Variants in C6orf132 observed in about 807,000 individuals in gnomAD.
C6orf132 encodes the protein uncharacterized protein C6orf132.
Under a neutral mutation model 65.3 loss-of-function variants are expected in C6orf132, and 43 were observed. The ratio of observed to expected loss-of-function variants is 0.66; its 90% CI spans 0.52 to 0.85. The LOEUF (loss-of-function observed/expected upper bound fraction) is 0.85. Ranked by LOEUF, C6orf132 falls within the 40% of genes least tolerant of loss-of-function variation. The probability of loss-of-function intolerance (pLI) is 0.00; values close to 1 mark genes in which losing one functional copy is unlikely to be tolerated. For synonymous variants in C6orf132, 631 were observed against 654.1 expected, an observed-to-expected ratio of 0.96 and a Z score of 0.54; for missense variants, 1,488 against 1,548.8, an observed-to-expected ratio of 0.96 and a Z score of 0.66.
Position 42,142,312 on chromosome 6 carries a change from TC to T in C6orf132, c.132del (p.Thr45ProfsTer17). ...CCGGAGTACTCACCGAAGCCCCCGG[TC>T]CCCTCCTCCGGGGCCTCCTGGGTGA... ...WIFTQEAPEE[G>X]TGGFDGIYYG... On this transcript the variant is annotated frameshift_variant, in exon 1 of 5. Transcript: ENST00000341865. LOFTEE classifies it high-confidence loss of function. The T allele has an allele frequency of 6.4e-7, 1 of 1,550,462 alleles. No individual in the cohort carries two copies. Among genetic ancestry groups the T allele is most frequent in the Non-Finnish European group, 8.7e-7 (1 of 1,146,624 alleles).
intron 1 of C6orf132, among the ~76,000 whole-genome samples, chr6:42,135,585 A>G (rs921032061): frequency 9.2e-5 from 14 of 152,174 alleles, no homozygotes; most frequent in Non-Finnish European, 1.9e-4. Flanking sequence ...CTCAGCCCCA[A>G]AGCTGCTCAT....
Position 42,103,338 on chromosome 6 carries a change from A to G in C6orf132, c.*423T>C. 1 of 397,418 alleles carries G rather than the reference A, an allele frequency of 2.5e-6. No homozygotes were observed. Among genetic ancestry groups the G allele is most frequent in the Non-Finnish European group, 4.4e-6 (1 of 225,860 alleles). 24.6% of individuals were successfully genotyped at this position (397,418 alleles called of 1,614,324 possible). On this transcript the variant is annotated 3_prime_UTR_variant, in exon 5 of 5. Coordinates refer to ENST00000341865, the MANE Select transcript of C6orf132 (RefSeq NM_001164446.3). The stretch of plus-strand genomic sequence containing the variant: ...CCTCAGCCCTTTGCAAGGGCCTGAC[A>G]GGCAATCACAGCTATCTCGATGGGT...
rs201213632 is a variant in C6orf132 at position 42,104,890 on chromosome 6, G to C, written c.3022C>G (p.Arg1008Gly). ...PPAPALQYLG[R>G]QSSPPRNNYS... ...TTGTTCCGGGGAGGGGAGCTCTGGC[G>C]GCCCAGATACTGGAGGGCCGGGGCC... The change falls in exon 4 of 5, where the codon CGC becomes GGC. Residue 1008 changes from arginine to glycine, a missense_variant. Transcript: ENST00000341865. The surrounding 1 kb of genome is among the most constrained non-coding windows in gnomAD (Gnocchi z 4.1). 1.7e-3 allele frequency: 2,501 copies of C among 1,449,160 alleles called. 18 individuals carry two copies. Among genetic ancestry groups the C allele is most frequent in the Middle Eastern group, 0.011 (58 of 5,350 alleles). 89.8% of individuals were successfully genotyped at this position (1,449,160 alleles called of 1,614,324 possible).
intron 2 of C6orf132, among the ~76,000 whole-genome samples, chr6:42,111,009 C>T (rs552093038): frequency 5.9e-5 from 9 of 152,356 alleles, no homozygotes; most frequent in African/African-American, 2.2e-4. Context: ...ATAGAATCTG[C>T]ATTGACTCTC....
chr6:42,126,219 T>G (rs1766761465), intron 2 of C6orf132, among the ~76,000 whole-genome samples: 1 of 151,938 alleles, frequency 6.6e-6, no homozygotes, highest in Non-Finnish European at 1.5e-5. Flanking sequence ...TAGCTGGGAT[T>G]ACAGGTGTGT....
At chr6:42,132,041 G>C (rs1328680919) in intron 1 of C6orf132, among the ~76,000 whole-genome samples, 20 of 152,232 alleles carry the variant, frequency 1.3e-4, no homozygotes. Context: ...TGGCTTTGAA[G>C]ATGGAAGGAG....
Position 42,107,460 on chromosome 6 carries a change from G to A in C6orf132, c.452C>T (p.Pro151Leu). The A allele has an allele frequency of 9.7e-6, 15 of 1,544,520 alleles. No homozygotes were observed. The highest frequency in any genetic ancestry group is 1.3e-5 in the Non-Finnish European group (15 of 1,143,694). The change falls in exon 4 of 5, where the codon CCT becomes CTT. Residue 151 changes from proline to leucine, a missense_variant. Pro to Leu is a moderately conservative substitution (Grantham distance 98). Transcript: ENST00000341865. ...CCCTGGAGGTTCTGAAATGTCCTGAGGGGGCCCTGGGGCTGGGCCTGGGGG... is the reference window on the plus strand; with the variant it reads ...CCCTGGAGGTTCTGAAATGTCCTGAAGGGGCCCTGGGGCTGGGCCTGGGGG... Reference protein sequence around the residue: ...PPPPGPAPGPPQDISEPPGGS... With the variant: ...PPPPGPAPGPLQDISEPPGGS...
intron 2 of C6orf132, among the ~76,000 whole-genome samples, chr6:42,125,322 C>G (rs1029151911): frequency 6.6e-6 from 1 of 152,220 alleles, no homozygotes; most frequent in Non-Finnish European, 1.5e-5. Context: ...CCCTGTGCCT[C>G]AGTTTCCCTG....
intron 3 of C6orf132, 104 bp from the exon 4 acceptor site, chr6:42,107,687 G>T: frequency 7.4e-7 from 1 of 1,358,980 alleles, no homozygotes; most frequent in South Asian, 1.3e-5. Context: ...CCAAGAGAAT[G>T]ACTGGATCAT....
Position 42,107,481 on chromosome 6 carries a change from G to T in C6orf132, c.431C>A (p.Pro144Gln). 1 of 1,546,418 alleles carries T rather than the reference G, an allele frequency of 6.5e-7. No individual in the cohort carries two copies. Among genetic ancestry groups the T allele is most frequent in the Non-Finnish European group, 8.7e-7 (1 of 1,144,380 alleles). Residue 144 changes from proline to glutamine, a missense_variant, in exon 4 of 5, where the codon CCA becomes CAA. Physicochemically the swap from Pro to Gln is moderately conservative, Grantham distance 76. Coordinates refer to ENST00000341865, the MANE Select transcript of C6orf132 (RefSeq NM_001164446.3). The stretch of plus-strand genomic sequence containing the variant: ...CTGAGGGGGCCCTGGGGCTGGGCCT[G>T]GGGGAGGTGGGGGGATGAGTAGATC... The part of the protein sequence containing the change: ...GQDLLIPPPP[P>Q]GPAPGPPQDI...
In C6orf132 at chr6:42,106,746, G is replaced by C; in HGVS notation, c.1166C>G (p.Thr389Ser). ...GGGCAGGGGAGGGGCTGGAGGCGGA[G>C]TCCCAGCTCGTTCATCTGCTTGGGA... ...SQSQADERAG[T>S]PPPAPPLPPP... Residue 389 changes from threonine (T) to serine (S), a missense_variant, in exon 4 of 5, where the codon ACT becomes AGT. Transcript: ENST00000341865. 1 of 1,531,016 alleles carries C rather than the reference G, an allele frequency of 6.5e-7. No individual in the cohort carries two copies. Among genetic ancestry groups the C allele is most frequent in the Non-Finnish European group, 8.7e-7 (1 of 1,144,708 alleles). 94.8% of individuals were successfully genotyped at this position (1,531,016 alleles called of 1,614,324 possible).
chr6:42,122,256 T>TAC (rs1374810812), intron 2 of C6orf132, among the ~76,000 whole-genome samples: 6 of 147,674 alleles, frequency 4.1e-5, no homozygotes, highest in African/African-American at 7.3e-5. Flanking sequence ...GGCCCAGGTC[T>TAC]GCTCTCTCTC....
At position 42,107,457 on chromosome 6, in the gene C6orf132, T is replaced by C; in HGVS notation, c.455A>G (p.Gln152Arg). 1 of 1,264,698 alleles carries C rather than the reference T, an allele frequency of 7.9e-7. No homozygotes were observed. Among genetic ancestry groups the C allele is most frequent in the Non-Finnish European group, 1.0e-6 (1 of 987,490 alleles). The allele number at this position is 1,264,698 out of a possible 1,614,324, so 78.3% of individuals were successfully genotyped here. Residue 152 changes from glutamine (Q) to arginine (R), a missense_variant, in exon 4 of 5, where the codon CAG becomes CGG. Transcript: ENST00000341865. The part of the protein sequence containing the change: ...PPPGPAPGPP[Q>R]DISEPPGGSP... ...CCCCCCTGGAGGTTCTGAAATGTCC[T>C]GAGGGGGCCCTGGGGCTGGGCCTGG...
intron 2 of C6orf132, among the ~76,000 whole-genome samples, chr6:42,122,331 C>A (rs73735045): frequency 0.01 from 1,547 of 152,316 alleles, 30 homozygotes; most frequent in African/African-American, 0.034. Flanking sequence ...TCCCTGGAGA[C>A]CCTGCCTAAA....
chr6:42,117,484 T>C lies in C6orf132; in HGVS notation c.253-7193A>G, dbSNP rs183643017. On this transcript the variant is annotated intron_variant, in intron 2 of 4. Coordinates refer to ENST00000341865, the MANE Select transcript of C6orf132 (RefSeq NM_001164446.3). ...TCTATGTCTATAGACATAGAGTTGATGACTGTAGTCCCTGCTGCCCAGCCC... is the reference window on the plus strand; with the variant it reads ...TCTATGTCTATAGACATAGAGTTGACGACTGTAGTCCCTGCTGCCCAGCCC... Among the ~76,000 whole-genome samples, 5 of 152,202 alleles carry C rather than the reference T, an allele frequency of 3.3e-5. No individual in the cohort carries two copies. In the East Asian group the frequency reaches 9.7e-4, roughly 29 times the overall value.
intron 2 of C6orf132, among the ~76,000 whole-genome samples, chr6:42,115,612 C>G (rs911160744): frequency 1.3e-5 from 2 of 152,128 alleles, no homozygotes; most frequent in Admixed American, 6.5e-5. Flanking sequence ...AGGCACTGCA[C>G]TCCAGCCTGG....
rs1766358936 is a variant in C6orf132, at chr6:42,104,710, C to T, written c.3202G>A (p.Val1068Ile). 2.6e-6 allele frequency: 4 copies of T among 1,522,114 alleles called. No individual in the cohort carries two copies. Among genetic ancestry groups the T allele is most frequent in the Non-Finnish European group, 2.6e-6 (3 of 1,141,180 alleles). 94.3% of individuals were successfully genotyped at this position (1,522,114 alleles called of 1,614,324 possible). The change falls in exon 4 of 5, where the codon GTC (valine) becomes ATC (isoleucine). Residue 1068 changes from valine to isoleucine, a missense_variant. By Grantham distance (29) the Val-to-Ile change is conservative. Transcript: ENST00000341865. The surrounding 1 kb of genome is among the most constrained non-coding windows in gnomAD (Gnocchi z 4.1). The stretch of plus-strand genomic sequence containing the variant: ...CCTGGGCCTCGGTGCGGCTCCCCGA[C>T]GTACAGGCGCTTCTTTATGAGCGAG... ...GRSLIKKRLY[V>I]GEPHRGPGLP...
Position 42,142,565 on chromosome 6 carries a change from TC to T in C6orf132, c.-122del. 1 of 463,864 alleles carries T rather than the reference TC, an allele frequency of 2.2e-6. No homozygotes were observed. Among genetic ancestry groups the T allele is most frequent in the Non-Finnish European group, 3.1e-6 (1 of 320,884 alleles). 28.7% of individuals were successfully genotyped at this position (463,864 alleles called of 1,614,324 possible). Reference sequence around the variant, plus strand: ...TACCAGGCCATGTCCCCCGCCGTCCTCCCCGCCCGCGCACCGGGCAACAGGT... The same window carrying T: ...TACCAGGCCATGTCCCCCGCCGTCCTCCCGCCCGCGCACCGGGCAACAGGT... On this transcript the variant is annotated 5_prime_UTR_variant, in exon 1 of 5. Transcript: ENST00000341865.
chr6:42,121,944 C>A (rs1277737752), intron 2 of C6orf132, among the ~76,000 whole-genome samples: 1 of 152,178 alleles, frequency 6.6e-6, no homozygotes. Context: ...CAGTTGTTTT[C>A]CTGGCTTAGG....
Sources: allele counts gnomAD v4.1 joint callset (sites outside exome capture counted in the v4.1 genomes callset), GRCh38; gene constraint gnomAD v4.1.1; non-coding constraint Gnocchi (gnomAD v3.1); transcripts MANE v1.5; gene names NCBI Gene and HGNC (gene_info 2026-07-23, HGNC 2026-07-21).